Variants in WDPCP observed in about 807,000 individuals in gnomAD.
The protein encoded by WDPCP is WD repeat-containing and planar cell polarity effector protein fritz homolog.
Under a neutral mutation model 93.1 loss-of-function variants are expected in WDPCP, and 71 were observed. The observed-to-expected ratio is 0.76, with a 90% confidence interval of 0.63 to 0.93. WDPCP has a LOEUF of 0.93. WDPCP is among the 40% of genes least tolerant of loss of function. WDPCP has a pLI of 0.00. For missense variants in WDPCP, 844 were observed against 887.4 expected (o/e 0.95, Z 0.62); for synonymous variants, 315 against 315.0 (o/e 1.00, Z 0.00).
chr2:63,666,129 A>T (rs908533022), intron 2 of WDPCP, among the ~76,000 whole-genome samples: 1 of 152,220 alleles, frequency 6.6e-6, no homozygotes, highest in Non-Finnish European at 1.5e-5. Flanking sequence ...GGACCTTTAC[A>T]TATATCCCTC....
intron 2 of WDPCP, among the ~76,000 whole-genome samples, chr2:63,800,734 A>T (rs1670682772): frequency 6.6e-6 from 1 of 152,184 alleles, no homozygotes; most frequent in Admixed American, 6.5e-5. Context: ...CCACATAGCA[A>T]ATTACCCTAA....
At chr2:63,776,779 T>TA (rs961417211) in intron 2 of WDPCP, among the ~76,000 whole-genome samples, 4 of 150,670 alleles carry the variant, frequency 2.7e-5, no homozygotes, top group African/African-American at 9.7e-5. Flanking sequence ...TATTTAGCCA[T>TA]AAAAAATGAA....
intron 2 of WDPCP, chr2:63,813,487 G>A (rs541667140): frequency 6.6e-6 from 1 of 152,272 alleles, no homozygotes; most frequent in East Asian, 1.9e-4. Context: ...CTCATCATGT[G>A]TTCTACACTT....
chr2:63,122,959 A>G (rs887537527), intron 17 of WDPCP, among the ~76,000 whole-genome samples: 2 of 152,020 alleles, frequency 1.3e-5, no homozygotes, highest in South Asian at 2.1e-4. Flanking sequence ...AAGTAGTCAC[A>G]TATCAAAGGA....
intron 13 of WDPCP, among the ~76,000 whole-genome samples, chr2:63,265,604 C>G (rs189916568): frequency 6.6e-6 from 1 of 152,132 alleles, no homozygotes; most frequent in Middle Eastern, 3.2e-3. Flanking sequence ...AAAAGTAAAA[C>G]CAATCCTTCT....
intron 13 of WDPCP, among the ~76,000 whole-genome samples, chr2:63,288,999 G>A (rs905977216): frequency 6.6e-6 from 1 of 151,756 alleles, no homozygotes; most frequent in African/African-American, 2.4e-5. Flanking sequence ...CAATATATGA[G>A]GTGACAAATT....
chr2:63,715,749 AC>A (rs1669328301), intron 2 of WDPCP, among the ~76,000 whole-genome samples: 3 of 152,242 alleles, frequency 2.0e-5, no homozygotes, highest in African/African-American at 7.2e-5. Flanking sequence ...AATTTTTAAT[AC>A]AAAGATAAAG....
intron 2 of WDPCP, chr2:63,751,671 G>T: frequency 2.0e-6 from 1 of 492,338 alleles, no homozygotes; most frequent in South Asian, 1.6e-5. Context: ...CTCCTGCTAA[G>T]CTTTGTTTCC....
chr2:63,780,376 A>G (rs747064063), intron 2 of WDPCP, among the ~76,000 whole-genome samples: 34 of 152,212 alleles, frequency 2.2e-4, no homozygotes, highest in Non-Finnish European at 3.5e-4. Flanking sequence ...AAGCTAGTGG[A>G]AAGGGTTCTC....
intron 9 of WDPCP, among the ~76,000 whole-genome samples, chr2:63,407,325 G>A (rs2105224819): frequency 6.6e-6 from 1 of 152,256 alleles, no homozygotes; most frequent in South Asian, 2.1e-4. Flanking sequence ...GAAAGTCATG[G>A]GAAATGGGAA....
intron 14 of WDPCP, among the ~76,000 whole-genome samples, chr2:63,213,148 A>G (rs1007754728): frequency 6.6e-6 from 1 of 152,196 alleles, no homozygotes; most frequent in Non-Finnish European, 1.5e-5. Context: ...AGAACTCTTC[A>G]CCCCAAAGCA....
chr2:63,771,954 G>A (rs1311793685), intron 2 of WDPCP, among the ~76,000 whole-genome samples: 2 of 151,828 alleles, frequency 1.3e-5, no homozygotes, highest in African/African-American at 4.8e-5. Context: ...CCACTGATGG[G>A]CACCTGACTT....
intron 3 of WDPCP, chr2:63,606,103 C>A: frequency 7.5e-7 from 1 of 1,334,406 alleles, no homozygotes; most frequent in Non-Finnish European, 1.1e-6. Context: ...TATTATTGGC[C>A]AGGCACAGTG....
At position 63,230,251 on chromosome 2, in the gene WDPCP, C is replaced by G. The variant is rs185368152; in HGVS notation, c.1915+29056G>C. Among the ~76,000 whole-genome samples, 37 of 152,210 alleles carry G rather than the reference C, an allele frequency of 2.4e-4. 1 individual carries two copies. The highest frequency in any genetic ancestry group is 7.2e-4 in the Admixed American group (11 of 15,280). Reference sequence around the variant, plus strand: ...GTTTCCAGCTTCATCCATGTCCCTACAATGGACATGAACTCATCCTTTTTT... The same window carrying G: ...GTTTCCAGCTTCATCCATGTCCCTAGAATGGACATGAACTCATCCTTTTTT... On this transcript the variant is annotated intron_variant, in intron 14 of 17. Transcript: ENST00000272321.
intron 2 of WDPCP, among the ~76,000 whole-genome samples, chr2:63,808,894 G>A (rs1411642725): frequency 1.3e-5 from 2 of 151,986 alleles, no homozygotes; most frequent in Admixed American, 6.6e-5. Flanking sequence ...TCTAGGAAAT[G>A]AGGAGCGCCT....
At chr2:63,208,481 G>A (rs944489730) in intron 14 of WDPCP, among the ~76,000 whole-genome samples, 6 of 152,038 alleles carry the variant, frequency 3.9e-5, no homozygotes, top group African/African-American at 1.4e-4. Flanking sequence ...TGCTCAATTT[G>A]GGCTCTACTC....
chr2:63,313,886 A>ATGTGTGTGTGTATTTT, intron 12 of WDPCP, among the ~76,000 whole-genome samples: 1 of 74,502 alleles, frequency 1.3e-5, no homozygotes, highest in Non-Finnish European at 2.6e-5. Flanking sequence ...ATATATATAT[A>ATGTGTGTGTGTATTTT]TTTTTTTTTT....
intron 9 of WDPCP, among the ~76,000 whole-genome samples, chr2:63,421,802 T>C (rs975617587): frequency 6.6e-6 from 1 of 152,300 alleles, no homozygotes; most frequent in Admixed American, 6.5e-5. Context: ...GTAGTGGTAG[T>C]AATAGCATGA....
intron 14 of WDPCP, among the ~76,000 whole-genome samples, chr2:63,216,733 T>C (rs1190335674): frequency 6.6e-6 from 1 of 151,240 alleles, no homozygotes; most frequent in Non-Finnish European, 1.5e-5. Flanking sequence ...TAAAAAAAAA[T>C]AAATAAAATA....
Sources: allele counts gnomAD v4.1 joint callset (sites outside exome capture counted in the v4.1 genomes callset), GRCh38; gene constraint gnomAD v4.1.1; transcripts MANE v1.5; gene names NCBI Gene and HGNC (gene_info 2026-07-23, HGNC 2026-07-21).